MYRIP: variants seen among roughly 807,000 people sequenced by gnomAD.
MYRIP encodes the protein myosin VIIA and Rab interacting protein.
A neutral mutation model predicts 98.0 loss-of-function variants in MYRIP; 49 were observed. That is an observed-to-expected ratio of 0.50 (90% CI 0.40 to 0.63). The LOEUF is 0.63. Ranked by LOEUF, MYRIP falls within the 30% of genes least tolerant of loss-of-function variation. MYRIP has a pLI of 0.00. For missense variants in MYRIP, 1,004 were observed against 1,058.2 expected (o/e 0.95, Z 0.71); for synonymous variants, 404 against 409.5 (o/e 0.99, Z 0.16).
At chr3:39,959,416 C>T (rs1016488014) in intron 2 of MYRIP, among the ~76,000 whole-genome samples, 11 of 151,972 alleles carry the variant, frequency 7.2e-5, no homozygotes, top group Admixed American at 2.0e-4. Flanking sequence ...AGCAAACTAT[C>T]GCAGGGACAG....
intron 3 of MYRIP, among the ~76,000 whole-genome samples, chr3:40,087,883 G>T (rs1222700806): frequency 6.6e-6 from 1 of 152,200 alleles, no homozygotes; most frequent in African/African-American, 2.4e-5. Flanking sequence ...CAGCTGGCAG[G>T]TAGGGGTGCC....
chr3:40,081,456 C>T (rs1948478624), intron 3 of MYRIP, among the ~76,000 whole-genome samples: 1 of 152,142 alleles, frequency 6.6e-6, no homozygotes, highest in Non-Finnish European at 1.5e-5. Flanking sequence ...ATTTCTTTTT[C>T]ACTTTGGCTC....
At chr3:40,151,240 C>G in intron 4 of MYRIP, 56 bp downstream of exon 4, 1 of 1,532,180 alleles carries the variant, frequency 6.5e-7, no homozygotes, top group East Asian at 2.3e-5. Flanking sequence ...GGTAGAAGGC[C>G]TGGCTCAGGG....
intron 12 of MYRIP, among the ~76,000 whole-genome samples, chr3:40,244,042 A>AT (rs745437927): frequency 6.6e-5 from 10 of 152,008 alleles, no homozygotes; most frequent in Admixed American, 1.3e-4. Context: ...TTGTTTTCTG[A>AT]TTTTTTTCTC....
intron 12 of MYRIP, among the ~76,000 whole-genome samples, chr3:40,240,183 G>A (rs1305513626): frequency 7.9e-5 from 12 of 151,368 alleles, no homozygotes; most frequent in African/African-American, 2.9e-4. Context: ...CCCATTGCTT[G>A]TTTTTCTCAG....
chr3:39,909,406 T>C (rs932158859), intron 2 of MYRIP, among the ~76,000 whole-genome samples: 3 of 152,180 alleles, frequency 2.0e-5, no homozygotes, highest in African/African-American at 7.2e-5. Context: ...TGGGCAAATA[T>C]GAAAGGGGTG....
chr3:40,078,274 T>A (rs1190122692), intron 3 of MYRIP, among the ~76,000 whole-genome samples: 1 of 152,156 alleles, frequency 6.6e-6, no homozygotes, highest in African/African-American at 2.4e-5. Flanking sequence ...CCGAAAGCGC[T>A]GTGTGCAGCC....
In MYRIP at chr3:39,849,415, T is replaced by C. The variant is rs561231533; in HGVS notation, c.-31+39499T>C. Among the ~76,000 whole-genome samples the C allele has an allele frequency of 3.9e-5, 6 of 152,308 alleles. 1 individual carries two copies. The South Asian group carries it at 1.2e-3, about 32-fold the overall frequency. ...CATTTTTATGAAGTAGTTTTAACCA[T>C]CCAATGGAAAAATTGTGCCAGGGTA... On this transcript the variant is annotated intron_variant, in intron 1 of 16. Transcript: ENST00000302541.
intron 2 of MYRIP, among the ~76,000 whole-genome samples, chr3:39,928,476 A>G (rs1051275056): frequency 6.6e-6 from 1 of 151,980 alleles, no homozygotes; most frequent in Non-Finnish European, 1.5e-5. Context: ...AAAGAGTTAT[A>G]CACTATGAGC....
At chr3:40,118,343 T>C (rs1314685567) in intron 3 of MYRIP, among the ~76,000 whole-genome samples, 1 of 152,228 alleles carries the variant, frequency 6.6e-6, no homozygotes. Context: ...CTATTTCATC[T>C]GTAGGAATTT....
At chr3:40,160,664 C>A (rs1950368313) in intron 4 of MYRIP, among the ~76,000 whole-genome samples, 6 of 152,210 alleles carry the variant, frequency 3.9e-5, no homozygotes, top group Admixed American at 3.9e-4. Flanking sequence ...GGCGTAGGAC[C>A]CTCCGAGCCA....
chr3:40,137,736 C>T (rs1300557732), intron 3 of MYRIP, among the ~76,000 whole-genome samples: 1 of 152,076 alleles, frequency 6.6e-6, no homozygotes, highest in Non-Finnish European at 1.5e-5. Context: ...CTCCTGTACA[C>T]TCAGTGTTTA....
intron 1 of MYRIP, among the ~76,000 whole-genome samples, chr3:39,817,112 A>G (rs1290734256): frequency 6.6e-6 from 1 of 152,246 alleles, no homozygotes; most frequent in Admixed American, 6.5e-5. Flanking sequence ...TCATTGTAGA[A>G]TAGAATTGCA....
intron 2 of MYRIP, among the ~76,000 whole-genome samples, chr3:39,918,576 C>T (rs1944229689): frequency 6.6e-6 from 1 of 152,302 alleles, no homozygotes; most frequent in African/African-American, 2.4e-5. Context: ...GGGAAAACTT[C>T]CCCTTCGCCC....
intron 8 of MYRIP, among the ~76,000 whole-genome samples, chr3:40,178,002 GAATTT>G (rs1291141338): frequency 2.0e-5 from 3 of 152,158 alleles, no homozygotes; most frequent in African/African-American, 7.2e-5. Context: ...TTATAGGATT[GAATTT>G]AATACTTACA....
intron 2 of MYRIP, among the ~76,000 whole-genome samples, chr3:39,917,083 ATTAC>A (rs1224906936): frequency 6.6e-6 from 1 of 152,166 alleles, no homozygotes; most frequent in Non-Finnish European, 1.5e-5. Context: ...GACAAAAGTT[ATTAC>A]TTATTCAAAA....
intron 2 of MYRIP, among the ~76,000 whole-genome samples, chr3:39,997,737 A>G (rs1465874001): frequency 6.6e-6 from 1 of 152,194 alleles, no homozygotes; most frequent in Non-Finnish European, 1.5e-5. Flanking sequence ...ACAAAAAAAG[A>G]GAATTTTAGA....
intron 1 of MYRIP, among the ~76,000 whole-genome samples, chr3:39,814,065 C>A (rs538084327): frequency 1.3e-5 from 2 of 152,188 alleles, no homozygotes; most frequent in East Asian, 3.9e-4. Flanking sequence ...AAATATATTA[C>A]AAGGAATATC....
At chr3:39,966,694 G>A (rs988742272) in intron 2 of MYRIP, among the ~76,000 whole-genome samples, 1 of 152,120 alleles carries the variant, frequency 6.6e-6, no homozygotes, top group African/African-American at 2.4e-5. Context: ...AGGACGGAGA[G>A]TTGCCCTCAT....
Sources: allele counts gnomAD v4.1 joint callset (sites outside exome capture counted in the v4.1 genomes callset), GRCh38; gene constraint gnomAD v4.1.1; transcripts MANE v1.5; gene names NCBI Gene and HGNC (gene_info 2026-07-23, HGNC 2026-07-21).